AKT3: variants seen among roughly 807,000 people sequenced by gnomAD.
AKT3 encodes the protein AKT serine/threonine kinase 3, also known as RAC-gamma serine/threonine-protein kinase.
AKT3 carries 15 observed loss-of-function variants against 65.3 expected under a neutral mutation model. The ratio of observed to expected loss-of-function variants is 0.23; its 90% CI spans 0.15 to 0.35. The LOEUF is 0.35. Ranked by LOEUF, AKT3 falls within the 10% of genes least tolerant of loss-of-function variation. The probability of loss-of-function intolerance (pLI) is 1.00; values close to 1 mark genes in which losing one functional copy is unlikely to be tolerated. For synonymous variants in AKT3, 206 were observed against 183.8 expected, an observed-to-expected ratio of 1.12 and a Z score of -0.98; for missense variants, 243 against 576.5, an observed-to-expected ratio of 0.42 and a Z score of 5.92.
intron 13 of AKT3, among the ~76,000 whole-genome samples, chr1:243,488,767 T>C (rs1313624650): frequency 6.6e-6 from 1 of 152,180 alleles, no homozygotes; most frequent in Non-Finnish European, 1.5e-5. Context: ...ACCCCACTTA[T>C]CTGCGTGTTT....
chr1:243,702,921 T>C (rs1363252101), intron 2 of AKT3: 1 of 152,200 alleles, frequency 6.6e-6, no homozygotes, highest in Non-Finnish European at 1.5e-5. Flanking sequence ...AAACATTTTA[T>C]GAATTTTCAA....
At chr1:243,543,443 G>C (rs1189825368) in intron 12 of AKT3, among the ~76,000 whole-genome samples, 1 of 82,722 alleles carries the variant, frequency 1.2e-5, no homozygotes, top group African/African-American at 3.6e-5. Context: ...TTAAAGAAAT[G>C]GTTCTTTTCC....
chr1:243,634,490 T>C (rs925130086), intron 6 of AKT3, among the ~76,000 whole-genome samples: 1 of 151,956 alleles, frequency 6.6e-6, no homozygotes, highest in Non-Finnish European at 1.5e-5. Context: ...AACAATATAT[T>C]GTGATACAAG....
chr1:243,667,817 T>G (rs2147931581), intron 3 of AKT3, among the ~76,000 whole-genome samples: 1 of 152,262 alleles, frequency 6.6e-6, no homozygotes, highest in Admixed American at 6.5e-5. Context: ...TCCTTAGTAC[T>G]CTCTTTCAGG....
chr1:243,709,672 T>C (rs902865459), intron 2 of AKT3, among the ~76,000 whole-genome samples: 6 of 152,042 alleles, frequency 3.9e-5, no homozygotes, highest in African/African-American at 1.2e-4. Flanking sequence ...AGCTTAACAG[T>C]TGAACATACT....
intron 2 of AKT3, among the ~76,000 whole-genome samples, chr1:243,802,816 T>TGCTTTTCA (rs1692458295): frequency 6.6e-6 from 1 of 152,170 alleles, no homozygotes; most frequent in Admixed American, 6.5e-5. Flanking sequence ...TCACATCCAG[T>TGCTTTTCA]GCTTTTCAGC....
At chr1:243,643,344 G>C (rs1680581651) in intron 5 of AKT3, among the ~76,000 whole-genome samples, 1 of 152,158 alleles carries the variant, frequency 6.6e-6, no homozygotes. Context: ...TCCCAGAGAA[G>C]CTTATGCTAG....
intron 2 of AKT3, among the ~76,000 whole-genome samples, chr1:243,756,972 T>C (rs1689177594): frequency 6.6e-6 from 1 of 152,168 alleles, no homozygotes; most frequent in African/African-American, 2.4e-5. Context: ...GGAAGAAACA[T>C]TAGACAAACT....
chr1:243,691,448 A>T lies in AKT3; in HGVS notation c.172+4143T>A, dbSNP rs142920537. ...GACCACTTTGATACCCGCGTGAAGAAAGAGTATGAGTGGTACAAACTAGAA... is the reference window on the plus strand; with the variant it reads ...GACCACTTTGATACCCGCGTGAAGATAGAGTATGAGTGGTACAAACTAGAA... On this transcript the variant is annotated intron_variant, in intron 3 of 13. Coordinates refer to ENST00000673466, the MANE Select transcript of AKT3 (RefSeq NM_005465.7). Among the ~76,000 whole-genome samples, 16 of 152,312 alleles carry T rather than the reference A, an allele frequency of 1.1e-4. No homozygotes were observed. The East Asian group carries it at 2.9e-3, about 28-fold the overall frequency.
At chr1:243,603,272 T>C (rs187725511) in intron 8 of AKT3, among the ~76,000 whole-genome samples, 36 of 152,282 alleles carry the variant, frequency 2.4e-4, no homozygotes, top group Admixed American at 2.2e-3. Context: ...CCAAGGTGCA[T>C]ACCTTGTACC....
chr1:243,552,300 A>AAAT (rs1166093256), intron 11 of AKT3, among the ~76,000 whole-genome samples: 1 of 150,232 alleles, frequency 6.7e-6, no homozygotes, highest in Non-Finnish European at 1.5e-5. Flanking sequence ...AAAAAAAAAA[A>AAAT]AAAAAAAAAA....
intron 2 of AKT3, among the ~76,000 whole-genome samples, chr1:243,745,368 C>A (rs536808729): frequency 6.6e-6 from 1 of 152,126 alleles, no homozygotes; most frequent in African/African-American, 2.4e-5. Flanking sequence ...TTGGGCATAT[C>A]AATTTTTAAG....
At chr1:243,588,875 C>G (rs1023491352) in intron 8 of AKT3, among the ~76,000 whole-genome samples, 38 of 152,074 alleles carry the variant, frequency 2.5e-4, no homozygotes, top group Non-Finnish European at 4.4e-4. Context: ...GCAACAAAGG[C>G]AGAGATAAAT....
At chr1:243,697,435 A>G (rs528945681) in intron 2 of AKT3, among the ~76,000 whole-genome samples, 13 of 152,046 alleles carry the variant, frequency 8.6e-5, no homozygotes, top group Non-Finnish European at 1.6e-4. Flanking sequence ...TATGGATATC[A>G]TTCTTTGATA....
intron 7 of AKT3, 37 bp from the exon 8 acceptor site, chr1:243,613,776 TC>T: frequency 2.2e-6 from 3 of 1,336,708 alleles, no homozygotes; most frequent in Non-Finnish European, 3.1e-6. Context: ...TACATTATAA[TC>T]CTGTATTCTT....
At chr1:243,623,712 T>C (rs961739935) in intron 6 of AKT3, among the ~76,000 whole-genome samples, 1 of 152,150 alleles carries the variant, frequency 6.6e-6, no homozygotes, top group Non-Finnish European at 1.5e-5. Context: ...CACCATCAGC[T>C]TCCCAGGGAA....
intron 4 of AKT3, among the ~76,000 whole-genome samples, chr1:243,653,588 G>A (rs1681540368): frequency 6.6e-6 from 1 of 152,190 alleles, no homozygotes. Flanking sequence ...ACTTTTGAGT[G>A]TAGTGTTCTA....
chr1:243,644,102 T>G (rs965018995), intron 5 of AKT3, among the ~76,000 whole-genome samples: 1 of 152,208 alleles, frequency 6.6e-6, no homozygotes, highest in Non-Finnish European at 1.5e-5. Context: ...CTTTTAATTG[T>G]ATACTGTAAC....
intron 2 of AKT3, among the ~76,000 whole-genome samples, chr1:243,767,385 C>G (rs1312321271): frequency 2.6e-5 from 4 of 151,976 alleles, no homozygotes; most frequent in Admixed American, 2.6e-4. Flanking sequence ...TTTATCATGC[C>G]TATGGTTTCG....
Sources: allele counts gnomAD v4.1 joint callset (sites outside exome capture counted in the v4.1 genomes callset), GRCh38; gene constraint gnomAD v4.1.1; transcripts MANE v1.5; gene names NCBI Gene and HGNC (gene_info 2026-07-23, HGNC 2026-07-21).